Variants in C2orf76 observed in about 807,000 individuals in gnomAD.
The protein encoded by C2orf76 is chromosome 2 open reading frame 76.
Under a neutral mutation model 16.9 loss-of-function variants are expected in C2orf76, and 23 were observed. The observed-to-expected ratio is 1.36, with a 90% CI of 0.98 to 1.93. The LOEUF is 1.93. C2orf76 is among the 30% of genes most tolerant of loss of function. C2orf76 has a pLI of 0.00. For synonymous variants in C2orf76, 48 were observed against 52.3 expected (o/e 0.92, Z 0.35); for missense variants, 152 against 152.6 (o/e 1.00, Z 0.02).
the C2orf76 span, among the ~76,000 whole-genome samples, chr2:119,292,438 G>A: frequency 6.6e-6 from 1 of 152,134 alleles, no homozygotes; most frequent in African/African-American, 2.4e-5. Context: ...GAGCCCTAGC[G>A]GCAGAAAAGA....
chr2:119,345,718 G>GA (rs200249480), intron 1 of C2orf76, among the ~76,000 whole-genome samples: 1,709 of 152,080 alleles, frequency 0.011, 34 homozygotes, highest in African/African-American at 0.039. Context: ...AATAGCTGAT[G>GA]AAAAAAAGTT....
At chr2:119,323,428 T>A in intron 2 of C2orf76, among the ~76,000 whole-genome samples, 1 of 152,144 alleles carries the variant, frequency 6.6e-6, no homozygotes. Flanking sequence ...CTACCAGGTA[T>A]TCCAGGAACA....
At chr2:119,305,472 G>A (rs1004252783) in intron 5 of C2orf76, among the ~76,000 whole-genome samples, 2 of 152,182 alleles carry the variant, frequency 1.3e-5, no homozygotes, top group Non-Finnish European at 2.9e-5. Context: ...TTACCCATAT[G>A]TCTGAGTCCC....
the C2orf76 span, among the ~76,000 whole-genome samples, chr2:119,282,431 A>G: frequency 6.6e-6 from 1 of 152,188 alleles, no homozygotes; most frequent in African/African-American, 2.4e-5. Flanking sequence ...GTGACTCCAG[A>G]TGACAGCCAA....
chr2:119,326,110 TTATAGTTTATGCTTATTGTGCTG>T (rs1308711903), intron 2 of C2orf76, among the ~76,000 whole-genome samples: 1 of 152,238 alleles, frequency 6.6e-6, no homozygotes, highest in Non-Finnish European at 1.5e-5. Flanking sequence ...ATTTTTGCTT[TTATAGTTTATGCTTATTGTGCTG>T]TATTTAAGAA....
the C2orf76 span, among the ~76,000 whole-genome samples, chr2:119,291,720 A>G: frequency 1.3e-5 from 2 of 152,094 alleles, no homozygotes; most frequent in Non-Finnish European, 2.9e-5. Context: ...GCCTGGCTCC[A>G]CTGCCTAGCA....
chr2:119,334,379 C>CAAAAAAAAAAAAAAAA (rs34753333), intron 2 of C2orf76, among the ~76,000 whole-genome samples: 4 of 71,634 alleles, frequency 5.6e-5, no homozygotes, highest in African/African-American at 1.1e-4. Context: ...GTATGCAAAG[C>CAAAAAAAAAAAAAAAA]AAAAAAAAAA....
At chr2:119,288,823 C>T in the C2orf76 span, among the ~76,000 whole-genome samples, 1 of 151,984 alleles carries the variant, frequency 6.6e-6, no homozygotes, top group South Asian at 2.1e-4. Flanking sequence ...GGACAAGTCA[C>T]CTCCCCAGAA....
intron 1 of C2orf76, among the ~76,000 whole-genome samples, chr2:119,351,084 G>A (rs1157767083): frequency 6.6e-6 from 1 of 152,202 alleles, no homozygotes; most frequent in African/African-American, 2.4e-5. Flanking sequence ...TGCTCCTAGG[G>A]GAACTACAGG....
chr2:119,331,618 A>G (rs112329793), intron 2 of C2orf76, among the ~76,000 whole-genome samples: 1 of 152,196 alleles, frequency 6.6e-6, no homozygotes, highest in Non-Finnish European at 1.5e-5. Flanking sequence ...TCTGACTCCT[A>G]AACTCATGGA....
chr2:119,312,425 T>A (rs1679024137), intron 4 of C2orf76, among the ~76,000 whole-genome samples: 1 of 152,096 alleles, frequency 6.6e-6, no homozygotes, highest in African/African-American at 2.4e-5. Context: ...ATTTTTTTTA[T>A]TTTTAGTAGA....
intron 1 of C2orf76, among the ~76,000 whole-genome samples, chr2:119,352,103 A>G (rs1680425770): frequency 6.6e-6 from 1 of 152,182 alleles, no homozygotes; most frequent in African/African-American, 2.4e-5. Flanking sequence ...GTTAACATGG[A>G]GAAGACCCTA....
chr2:119,366,458 T>C (rs1680996694), intron 1 of C2orf76: 1 of 471,682 alleles, frequency 2.1e-6, no homozygotes, highest in Non-Finnish European at 4.4e-6. Context: ...GGAAGAAGCC[T>C]CGGCTTCGCC....
intron 1 of C2orf76, among the ~76,000 whole-genome samples, chr2:119,351,541 A>T (rs1573681097): frequency 6.6e-6 from 1 of 152,158 alleles, no homozygotes; most frequent in East Asian, 1.9e-4. Flanking sequence ...ACTTGAGCCC[A>T]GGAGTTTGAG....
At chr2:119,344,920 A>T (rs1680150892) in intron 1 of C2orf76, among the ~76,000 whole-genome samples, 1 of 152,170 alleles carries the variant, frequency 6.6e-6, no homozygotes, top group Non-Finnish European at 1.5e-5. Context: ...AGTGGGGAAA[A>T]GATAGTTTCC....
the C2orf76 span, among the ~76,000 whole-genome samples, chr2:119,288,463 C>G: frequency 5.0e-4 from 76 of 152,104 alleles, no homozygotes. Context: ...AGCAAGCAAG[C>G]AGATTTCCAA....
intron 1 of C2orf76, among the ~76,000 whole-genome samples, chr2:119,340,944 C>T (rs1358266197): frequency 6.6e-6 from 1 of 151,944 alleles, no homozygotes; most frequent in Non-Finnish European, 1.5e-5. Context: ...CTACACTACC[C>T]TGTCAAATCT....
At chr2:119,289,072 G>A in the C2orf76 span, among the ~76,000 whole-genome samples, 1 of 152,222 alleles carries the variant, frequency 6.6e-6, no homozygotes, top group East Asian at 1.9e-4. Context: ...AAGAGAGGAA[G>A]AGAGAATACA....
the C2orf76 span, among the ~76,000 whole-genome samples, chr2:119,285,434 C>T: frequency 3.3e-5 from 5 of 152,170 alleles, no homozygotes; most frequent in Non-Finnish European, 4.4e-5. Context: ...GAAAAGGCCC[C>T]GGAATTGGCC....
Sources: gnomAD v4.1 joint callset for allele counts (sites outside exome capture counted in the v4.1 genomes callset) on GRCh38, gnomAD v4.1.1 for gene constraint, MANE v1.5 for transcripts, NCBI Gene and HGNC (gene_info 2026-07-23, HGNC 2026-07-21) for gene names.